Variants in CTNNA1 observed in about 807,000 individuals in gnomAD.
The protein encoded by CTNNA1 is catenin alpha 1.
Under a neutral mutation model 98.4 loss-of-function variants are expected in CTNNA1, and 37 were observed. The observed-to-expected ratio is 0.38, with a 90% confidence interval of 0.29 to 0.49. The LOEUF (loss-of-function observed/expected upper bound fraction) is 0.49, where lower values mean the gene tolerates loss of function less well. Ranked by LOEUF, CTNNA1 falls within the 20% of genes least tolerant of loss-of-function variation. The pLI, the probability that CTNNA1 is intolerant of heterozygous loss-of-function variation, is 0.95. For missense variants in CTNNA1, 761 were observed against 1,147.2 expected (o/e 0.66, Z 4.86); for synonymous variants, 404 against 413.2 (o/e 0.98, Z 0.27).
At chr5:138,782,345 A>G in intron 2 of CTNNA1, 1 of 482,646 alleles carries the variant, frequency 2.1e-6, no homozygotes. Context: ...TGGATCCTTG[A>G]TTGTTAAGGT....
chr5:138,826,294 T>G (rs1246330049), intron 6 of CTNNA1, among the ~76,000 whole-genome samples: 1 of 152,152 alleles, frequency 6.6e-6, no homozygotes, highest in Non-Finnish European at 1.5e-5. Context: ...TAGAAAAAAT[T>G]TGGCATTTAA....
At chr5:138,796,509 A>G (rs1756987012) in intron 3 of CTNNA1, among the ~76,000 whole-genome samples, 1 of 151,056 alleles carries the variant, frequency 6.6e-6, no homozygotes, top group Non-Finnish European at 1.5e-5. Context: ...GCGCCACTGC[A>G]CTCCAGCCTG....
At position 138,932,994 on chromosome 5, in the gene CTNNA1, G is replaced by A. The variant is rs188808881; in HGVS notation, c.2433+282G>A. 8.9e-3 allele frequency: 6,783 copies of A among 765,260 alleles called. 39 individuals are homozygous for A. Among genetic ancestry groups the A allele is most frequent in the Non-Finnish European group, 0.013 (5,337 of 418,092 alleles). 47.4% of individuals were successfully genotyped at this position (765,260 alleles called of 1,614,324 possible). On this transcript the variant is annotated intron_variant, in intron 17 of 17. Coordinates refer to ENST00000302763, the MANE Select transcript of CTNNA1 (RefSeq NM_001903.5). ...TTAAAAATCTTCCTTGGGACCGGGC[G>A]TGGTGGCAGGTACCTGTAAGTCCCA...
intron 7 of CTNNA1, among the ~76,000 whole-genome samples, chr5:138,881,334 T>C (rs1435832200): frequency 1.3e-5 from 2 of 152,240 alleles, no homozygotes; most frequent in East Asian, 1.9e-4. Flanking sequence ...CCAGCAACTC[T>C]TGTTACATGT....
chr5:138,832,665 G>GT (rs1561573867), intron 7 of CTNNA1, among the ~76,000 whole-genome samples: 2 of 151,950 alleles, frequency 1.3e-5, no homozygotes, highest in Admixed American at 1.3e-4. Context: ...ATATTTTCAG[G>GT]TTTTTTTCTT....
At chr5:138,877,441 CTTTTT>C (rs70982737) in intron 7 of CTNNA1, among the ~76,000 whole-genome samples, 1 of 136,802 alleles carries the variant, frequency 7.3e-6, no homozygotes, top group African/African-American at 2.7e-5. Context: ...TCTTAAATTT[CTTTTT>C]TTTTTTTTTT....
rs994683535 is a variant in CTNNA1 at position 138,904,614 on chromosome 5, A to C, written c.1389+173A>C. ...TTTGGAATATTTTTTGTTTAACATTAAGTGACATTTGCACGGGAGATTACA... is the reference window on the plus strand; with the variant it reads ...TTTGGAATATTTTTTGTTTAACATTCAGTGACATTTGCACGGGAGATTACA... On this transcript the variant is annotated intron_variant, in intron 10 of 17. Coordinates refer to ENST00000302763, the MANE Select transcript of CTNNA1 (RefSeq NM_001903.5). 5.5e-5 allele frequency: 47 copies of C among 851,374 alleles called. No individual in the cohort carries two copies. The African/African-American group carries it at 7.0e-4, about 13-fold the overall frequency. The allele number at this position is 851,374 out of a possible 1,614,324, so 52.7% of individuals were successfully genotyped here. A position where few individuals can be genotyped will look rare whatever the true frequency, so the allele number is the denominator to read the frequency against.
At chr5:138,889,321 G>C (rs1162164975) in intron 9 of CTNNA1, among the ~76,000 whole-genome samples, 1 of 152,178 alleles carries the variant, frequency 6.6e-6, no homozygotes, top group Non-Finnish European at 1.5e-5. Context: ...TCCAGCCTAA[G>C]AGAGCTGACA....
At chr5:138,845,057 G>T (rs571658549) in intron 7 of CTNNA1, among the ~76,000 whole-genome samples, 1 of 152,150 alleles carries the variant, frequency 6.6e-6, no homozygotes, top group Non-Finnish European at 1.5e-5. Flanking sequence ...TGCCGAAGGA[G>T]CCAGGACTGA....
chr5:138,880,823 A>T, intron 7 of CTNNA1: 1 of 320,152 alleles, frequency 3.1e-6, no homozygotes, highest in Non-Finnish European at 6.2e-6. Context: ...GTTAGTTTGC[A>T]TGTTTGTTGG....
intron 1 of CTNNA1, among the ~76,000 whole-genome samples, chr5:138,757,763 G>A (rs758177200): frequency 3.3e-5 from 5 of 152,142 alleles, no homozygotes; most frequent in Non-Finnish European, 5.9e-5. Flanking sequence ...TACCTGGCAT[G>A]GAGGGCAAAT....
At chr5:138,792,792 G>C (rs532033038) in intron 3 of CTNNA1, among the ~76,000 whole-genome samples, 2 of 152,306 alleles carry the variant, frequency 1.3e-5, no homozygotes, top group East Asian at 3.9e-4. Flanking sequence ...AAGAGCAGTA[G>C]CTGGGAAACA....
At chr5:138,927,182 C>A (rs1580877457) in intron 13 of CTNNA1, among the ~76,000 whole-genome samples, 1 of 152,360 alleles carries the variant, frequency 6.6e-6, no homozygotes. Flanking sequence ...AGCCACAGGG[C>A]AGCCAGAGCG....
intron 5 of CTNNA1, among the ~76,000 whole-genome samples, chr5:138,816,722 A>G (rs1759465291): frequency 6.6e-6 from 1 of 150,744 alleles, no homozygotes; most frequent in Admixed American, 6.6e-5. Flanking sequence ...TTTTTTTAAG[A>G]CAGAGTTTTA....
At chr5:138,785,262 T>G (rs376002424) in intron 3 of CTNNA1, among the ~76,000 whole-genome samples, 6 of 151,304 alleles carry the variant, frequency 4.0e-5, no homozygotes, top group Admixed American at 6.6e-5. Context: ...GGGGTTTCAC[T>G]GTTTTAGCCG....
chr5:138,789,663 G>C (rs1158235933), intron 3 of CTNNA1, among the ~76,000 whole-genome samples: 1 of 152,082 alleles, frequency 6.6e-6, no homozygotes, highest in Non-Finnish European at 1.5e-5. Flanking sequence ...TTACCATATT[G>C]GCCAGGCTGG....
intron 5 of CTNNA1, among the ~76,000 whole-genome samples, chr5:138,816,848 G>A (rs1001549343): frequency 6.6e-6 from 1 of 152,022 alleles, no homozygotes; most frequent in Non-Finnish European, 1.5e-5. Context: ...ACAGGCATGC[G>A]CCACCATGCC....
rs538065401 is a variant in CTNNA1, at chr5:138,932,533, T to TGGGCC, written c.2299-44_2299-40dup. The TGGGCC allele has an allele frequency of 1.2e-4, 198 of 1,605,556 alleles. No individual in the cohort carries two copies. In the East Asian group the frequency reaches 3.0e-3, roughly 24 times the overall value. ...AAACAGCCGTGGGGTCGGGGGTGCT[T>TGGGCC]GGGCCAGGCCAGGATACTTGGTGTT... On this transcript the variant is annotated intron_variant, in intron 16 of 17. Coordinates refer to ENST00000302763, the MANE Select transcript of CTNNA1 (RefSeq NM_001903.5).
intron 7 of CTNNA1, among the ~76,000 whole-genome samples, chr5:138,829,753 A>T (rs1302570139): frequency 6.6e-6 from 1 of 152,162 alleles, no homozygotes; most frequent in Non-Finnish European, 1.5e-5. Context: ...TATGGTAGGG[A>T]TCTTGAAAGA....
Sources: gnomAD v4.1 joint callset for allele counts (sites outside exome capture counted in the v4.1 genomes callset) on GRCh38, gnomAD v4.1.1 for gene constraint, MANE v1.5 for transcripts, NCBI Gene and HGNC (gene_info 2026-07-23, HGNC 2026-07-21) for gene names.